DIS3L: variants seen among roughly 807,000 people sequenced by gnomAD.
DIS3L encodes the protein DIS3-like exonuclease 1.
DIS3L carries 100 observed loss-of-function variants against 120.3 expected under a neutral mutation model. The ratio of observed to expected loss-of-function variants is 0.83; its 90% CI spans 0.71 to 0.98. The LOEUF is 0.98. Among genes scored for constraint, DIS3L ranks in the 50% least tolerant of loss-of-function variants. The probability of loss-of-function intolerance (pLI) is 0.00; values close to 1 mark genes in which losing one functional copy is unlikely to be tolerated. For synonymous variants in DIS3L, 426 were observed against 470.6 expected (o/e 0.91, Z 1.23); for missense variants, 1,196 against 1,314.2 (o/e 0.91, Z 1.39).
In DIS3L at chr15:66,322,802, G is replaced by A; in HGVS notation, c.1442G>A (p.Gly481Asp). The change falls in exon 10 of 17, where the codon GGT (glycine) becomes GAT (aspartate). Residue 481 changes from glycine to aspartate, a missense_variant. Coordinates refer to ENST00000319212, the MANE Select transcript of DIS3L (RefSeq NM_001143688.3). Reference protein sequence around the residue: ...SHLVFSIDPKGCEDVDDTLSV... With the variant: ...SHLVFSIDPKDCEDVDDTLSV... ...CTCGTATTCAGCATTGACCCCAAAG[G>A]TTGTGAAGATGTGGATGACACACTC... 2 of 1,614,162 alleles carry A rather than the reference G, an allele frequency of 1.2e-6. No individual in the cohort carries two copies. Among genetic ancestry groups the A allele is most frequent in the African/African-American group, 1.3e-5 (1 of 75,040 alleles).
chr15:66,298,384 CAT>C (rs2092612733), intron 2 of DIS3L, among the ~76,000 whole-genome samples: 2 of 152,098 alleles, frequency 1.3e-5, no homozygotes, highest in Non-Finnish European at 2.9e-5. Context: ...TGTGTTTAAA[CAT>C]AAATCTCGGT....
chr15:66,295,206 T>C, intron 2 of DIS3L, 65 bp downstream of exon 2: 1 of 1,475,636 alleles, frequency 6.8e-7, no homozygotes, highest in South Asian at 1.3e-5. Context: ...AAAGGTCCCT[T>C]GTCGGAGGGG....
intron 2 of DIS3L, among the ~76,000 whole-genome samples, chr15:66,305,080 A>G (rs2092690743): frequency 1.4e-5 from 2 of 138,052 alleles, no homozygotes; most frequent in Admixed American, 7.9e-5. Flanking sequence ...GGCTCACTGC[A>G]AGCTCCGCCT....
chr15:66,294,940 AGGT>A, intron 1 of DIS3L, 45 bp from the exon 2 acceptor site: 1 of 1,526,254 alleles, frequency 6.6e-7, no homozygotes, highest in Non-Finnish European at 8.9e-7. Context: ...TAAATAAACC[AGGT>A]TTGAAAACAT....
At chr15:66,307,015 T>C in intron 3 of DIS3L, 63 bp downstream of exon 3, 3 of 1,597,896 alleles carry the variant, frequency 1.9e-6, no homozygotes, top group Admixed American at 1.7e-5. Context: ...CATCATTGGC[T>C]GTTTGGGAGT....
At chr15:66,300,679 G>A (rs1284159433) in intron 2 of DIS3L, among the ~76,000 whole-genome samples, 2 of 152,110 alleles carry the variant, frequency 1.3e-5, no homozygotes, top group African/African-American at 2.4e-5. Context: ...GTGAGATGGC[G>A]GGGAAGGTAG....
rs567013281 is a variant in DIS3L at position 66,304,031 on chromosome 15, A to G, written c.294-2793A>G. Reference sequence around the variant, plus strand: ...CGTGAACCCGGGAGGTGGAGCTTGCAGTGAGCCGAGATTGTGCCACTGCAC... The same window carrying G: ...CGTGAACCCGGGAGGTGGAGCTTGCGGTGAGCCGAGATTGTGCCACTGCAC... On this transcript the variant is annotated intron_variant, in intron 2 of 16. Coordinates refer to ENST00000319212, the MANE Select transcript of DIS3L (RefSeq NM_001143688.3). Among the ~76,000 whole-genome samples, 927 of 137,992 alleles carry G rather than the reference A, an allele frequency of 6.7e-3. 9 individuals are homozygous for G. Among genetic ancestry groups the G allele is most frequent in the Non-Finnish European group, 9.6e-3 (632 of 65,746 alleles). The allele number at this position is 137,992 out of a possible 152,430, so 90.5% of individuals were successfully genotyped here. A position where few individuals can be genotyped will look rare whatever the true frequency, so the allele number is the denominator to read the frequency against.
intron 5 of DIS3L, among the ~76,000 whole-genome samples, chr15:66,312,152 G>A (rs2092769517): frequency 6.6e-6 from 1 of 150,914 alleles, no homozygotes. Flanking sequence ...AGGCTGCAGT[G>A]AGCCATGATT....
chr15:66,329,222 T>C lies in DIS3L; in HGVS notation c.2358T>C (p.Gly786=). ...SCAEEEFHHY[G]LALDKYTHFT... is the part of the protein sequence containing the mutation. Reference sequence around the variant, plus strand: ...TGATCTTTTGCTTTCTTTTTGAAGGTCTTGCATTAGATAAATATACCCACT... The same window carrying C: ...TGATCTTTTGCTTTCTTTTTGAAGGCCTTGCATTAGATAAATATACCCACT... Residue 786 remains glycine (G), a splice_region_variant and synonymous_variant, in exon 14 of 17, where the codon GGT becomes GGC. Coordinates refer to ENST00000319212, the MANE Select transcript of DIS3L (RefSeq NM_001143688.3). 6.3e-7 allele frequency: 1 copy of C among 1,598,326 alleles called. No homozygotes were observed. Among genetic ancestry groups the C allele is most frequent in the Non-Finnish European group, 8.5e-7 (1 of 1,173,118 alleles).
intron 12 of DIS3L, among the ~76,000 whole-genome samples, chr15:66,327,712 C>G (rs1043580598): frequency 1.3e-5 from 2 of 151,946 alleles, no homozygotes; most frequent in Non-Finnish European, 2.9e-5. Flanking sequence ...CCACTGCACT[C>G]CAGCCTGGGT....
At chr15:66,326,426 A>G (rs921808683) in intron 12 of DIS3L, 62 bp downstream of exon 12, 11 of 1,513,734 alleles carry the variant, frequency 7.3e-6, no homozygotes, top group African/African-American at 2.8e-5. Flanking sequence ...GTTATCTTAC[A>G]GTTGTTCTTA....
intron 6 of DIS3L, 92 bp from the exon 7 acceptor site, chr15:66,314,944 G>A (rs2092801431): frequency 7.4e-7 from 1 of 1,357,672 alleles, no homozygotes; most frequent in Non-Finnish European, 1.0e-6. Context: ...CAGGAGTACT[G>A]ATTAGACTTC....
chr15:66,314,969 CG>C, intron 6 of DIS3L, 66 bp from the exon 7 acceptor site: 1 of 1,517,436 alleles, frequency 6.6e-7, no homozygotes, highest in East Asian at 2.3e-5. Flanking sequence ...ATATCATGCG[CG>C]GAATGCCTCA....
chr15:66,319,466 C>T (rs1219847561), intron 8 of DIS3L, among the ~76,000 whole-genome samples: 1 of 152,106 alleles, frequency 6.6e-6, no homozygotes, highest in Admixed American at 6.5e-5. Flanking sequence ...ATCACTCTGC[C>T]CTGTAGGGAT....
intron 1 of DIS3L, chr15:66,294,217 A>G (rs2092559219): frequency 1.0e-6 from 1 of 985,410 alleles, no homozygotes; most frequent in Non-Finnish European, 1.2e-6. Flanking sequence ...CTTTTCCCCC[A>G]GTGGAGAGCC....
In DIS3L at chr15:66,293,670, A is replaced by G. The variant is rs1034934127; in HGVS notation, c.74A>G (p.His25Arg). 2.2e-5 allele frequency: 32 copies of G among 1,424,882 alleles called. No individual in the cohort carries two copies. In the African/African-American group the frequency reaches 3.1e-4, roughly 14 times the overall value. The allele number at this position is 1,424,882 out of a possible 1,614,324, so 88.3% of individuals were successfully genotyped here. Reference sequence around the variant, plus strand: ...CGCACGCTGCGGATCGTGCGCGAGCACTACCTGCGGCCCTGCGTGCCCTGC... The same window carrying G: ...CGCACGCTGCGGATCGTGCGCGAGCGCTACCTGCGGCCCTGCGTGCCCTGC... ...QGRTLRIVREHYLRPCVPCHS... is the reference protein window; with the variant it reads ...QGRTLRIVRERYLRPCVPCHS... The change falls in exon 1 of 17, where the codon CAC becomes CGC. Residue 25 changes from histidine to arginine, a missense_variant. By Grantham distance (29) the His-to-Arg change is conservative. Transcript: ENST00000319212.
chr15:66,329,008 A>G lies in DIS3L; in HGVS notation c.2240A>G (p.Asn747Ser), dbSNP rs17258507. The change falls in exon 13 of 17, where the codon AAC becomes AGC. Residue 747 changes from asparagine (N) to serine (S), a missense_variant. Coordinates refer to ENST00000319212, the MANE Select transcript of DIS3L (RefSeq NM_001143688.3). ...CTGGCTGATTCTCTGGATAATGCGA[A>G]CGACCCCCACGATCCCATTGTGAAC... Reference protein sequence around the residue: ...KTLADSLDNANDPHDPIVNRL... With the variant: ...KTLADSLDNASDPHDPIVNRL... 0.068 allele frequency: 110,461 copies of G among 1,613,688 alleles called. 4,299 individuals carry two copies. The highest frequency in any genetic ancestry group is 0.12 in the Middle Eastern group (728 of 6,062).
At chr15:66,293,405 C>T, upstream of DIS3L, 4 of 1,118,734 alleles carry the variant, frequency 3.6e-6, no homozygotes, top group Non-Finnish European at 4.4e-6. Flanking sequence ...GTCCAGGCCA[C>T]TGAGGGAAGG....
chr15:66,312,772 C>G (rs2092775320), intron 5 of DIS3L, among the ~76,000 whole-genome samples: 1 of 152,150 alleles, frequency 6.6e-6, no homozygotes, highest in Admixed American at 6.5e-5. Flanking sequence ...GTGTCCACCA[C>G]CACAATCAAG....
Sources: allele counts gnomAD v4.1 joint callset (sites outside exome capture counted in the v4.1 genomes callset), GRCh38; gene constraint gnomAD v4.1.1; transcripts MANE v1.5; gene names NCBI Gene and HGNC (gene_info 2026-07-23, HGNC 2026-07-21).